Variants in FAT3 observed in about 807,000 individuals in gnomAD.
FAT3 encodes the protein FAT atypical cadherin 3, also known as protocadherin Fat 3.
A neutral mutation model predicts 310.2 loss-of-function variants in FAT3; 95 were observed. The ratio of observed to expected loss-of-function variants is 0.31; its 90% confidence interval spans 0.26 to 0.36. The LOEUF (loss-of-function observed/expected upper bound fraction) is 0.36. FAT3 is among the 10% of genes least tolerant of loss of function. The pLI is 1.00. For missense variants in FAT3, 5,408 were observed against 5,715.6 expected, an observed-to-expected ratio of 0.95 and a Z score of 1.74; for synonymous variants, 2,314 against 2,192.9, an observed-to-expected ratio of 1.06 and a Z score of -1.54.
intron 3 of FAT3, among the ~76,000 whole-genome samples, chr11:92,539,728 C>G (rs183227350): frequency 6.6e-6 from 1 of 152,128 alleles, no homozygotes; most frequent in Non-Finnish European, 1.5e-5. Context: ...TATCTGTGCC[C>G]AGGGTTATTC....
At position 92,890,914 on chromosome 11, in the gene FAT3, G is replaced by T. The variant is rs547247803; in HGVS notation, c.13571G>T (p.Gly4524Val). The change falls in exon 28 of 28, where the codon GGC becomes GTC. Residue 4524 changes from glycine to valine, a missense_variant. This residue lies in a region of FAT3 where 649 missense variants were observed against 666.2 expected (regional missense o/e 0.97). Transcript: ENST00000525166. The stretch of plus-strand genomic sequence containing the variant: ...ACTTTTGCTGTGAGCATGAACCAGG[G>T]CACAGAGCCCACAGGCCCAGCAGAC... ...FSTFAVSMNQ[G>V]TEPTGPADSV... is the part of the protein sequence containing the mutation. 1 of 1,614,000 alleles carries T rather than the reference G, an allele frequency of 6.2e-7. No homozygotes were observed. Among genetic ancestry groups the T allele is most frequent in the Non-Finnish European group, 8.5e-7 (1 of 1,179,886 alleles).
chr11:92,790,147 A>G lies in FAT3; in HGVS notation c.4540A>G (p.Ser1514Gly). 6.2e-7 allele frequency: 1 copy of G among 1,613,792 alleles called. No homozygotes were observed. The change falls in exon 8 of 28, where the codon AGC (serine) becomes GGC (glycine). Residue 1514 changes from serine to glycine, a missense_variant. By Grantham distance (56) the Ser-to-Gly change is moderately conservative. Transcript: ENST00000525166. ...CATGAGAAAATTCCGGATTGACCCT[A>G]GCACTGGCGTGCTCTATACTGCCGA... ...ISMRKFRIDP[S>G]TGVLYTAERL...
intron 3 of FAT3, among the ~76,000 whole-genome samples, chr11:92,584,440 C>T (rs1282642324): frequency 6.6e-6 from 1 of 151,896 alleles, no homozygotes; most frequent in East Asian, 1.9e-4. Flanking sequence ...GCTAATTCTG[C>T]TCCTGAAAGG....
Position 92,800,752 on chromosome 11 carries a change from G to A in FAT3, c.7739G>A (p.Arg2580Lys). The change falls in exon 10 of 28, where the codon AGA becomes AAA. Residue 2580 changes from arginine to lysine, a missense_variant. Transcript: ENST00000525166. Reference protein sequence around the residue: ...IFVRALDGGGRTTFCTVRVIV... With the variant: ...IFVRALDGGGKTTFCTVRVIV... ...GTGAGGGCCCTTGATGGTGGAGGGA[G>A]AACAACTTTCTGCACTGTGAGAGTG... 6.2e-7 allele frequency: 1 copy of A among 1,613,924 alleles called. No homozygotes were observed. The highest frequency in any genetic ancestry group is 8.5e-7 in the Non-Finnish European group (1 of 1,179,864).
chr11:92,370,485 G>A (rs2068282714), intron 2 of FAT3, among the ~76,000 whole-genome samples: 2 of 152,188 alleles, frequency 1.3e-5, no homozygotes, highest in African/African-American at 4.8e-5. Flanking sequence ...CCGATACTGG[G>A]TAGAGTTAGG....
At chr11:92,535,634 G>C (rs916756268) in intron 3 of FAT3, among the ~76,000 whole-genome samples, 1 of 152,166 alleles carries the variant, frequency 6.6e-6, no homozygotes, top group African/African-American at 2.4e-5. Flanking sequence ...GTTTTAGCTA[G>C]ATAGTTTTTT....
chr11:92,439,600 T>C (rs1393227548), intron 2 of FAT3, among the ~76,000 whole-genome samples: 1 of 152,032 alleles, frequency 6.6e-6, no homozygotes, highest in Non-Finnish European at 1.5e-5. Context: ...AATATATTAA[T>C]ACATGTCACT....
At chr11:92,734,736 T>TG (rs2136008782) in intron 4 of FAT3, among the ~76,000 whole-genome samples, 1 of 152,230 alleles carries the variant, frequency 6.6e-6, no homozygotes, top group East Asian at 1.9e-4. Flanking sequence ...GAACAAGGTG[T>TG]GTGTAACAAA....
At position 92,510,990 on chromosome 11, in the gene FAT3, G is replaced by T. The variant is rs141545700; in HGVS notation, c.3293-13644G>T. 1.7e-3 allele frequency among the ~76,000 whole-genome samples: 256 copies of T among 152,356 alleles called. 1 individual carries two copies. Among genetic ancestry groups the T allele is most frequent in the African/African-American group, 5.9e-3 (246 of 41,596 alleles). The stretch of plus-strand genomic sequence containing the variant: ...AAATCTGTGGATGAGAGCCCATCTA[G>T]AGCGCCTTGCTGGCGCTTTATCTGG... On this transcript the variant is annotated intron_variant, in intron 2 of 27. Transcript: ENST00000525166.
intron 3 of FAT3, among the ~76,000 whole-genome samples, chr11:92,629,324 G>A (rs1408782091): frequency 6.6e-6 from 1 of 151,866 alleles, no homozygotes. Context: ...ATTTTATCAA[G>A]CTCTTTCTAT....
chr11:92,558,167 GT>G (rs1955087907), intron 3 of FAT3, among the ~76,000 whole-genome samples: 1 of 152,178 alleles, frequency 6.6e-6, no homozygotes. Flanking sequence ...GGTACTTTCT[GT>G]CCTCACAGAG....
rs148934710 is a variant in FAT3 at position 92,654,684 on chromosome 11, A to C, written c.3608-42700A>C. ...ACCACCACTACTATATTTACTGCTG[A>C]AACCCTGGCACAACTATCATCTTCT... On this transcript the variant is annotated intron_variant, in intron 3 of 27. Coordinates refer to ENST00000525166, the MANE Select transcript of FAT3 (RefSeq NM_001367949.2). Among the ~76,000 whole-genome samples, 163 of 152,322 alleles carry C rather than the reference A, an allele frequency of 1.1e-3. 1 individual carries two copies. Among genetic ancestry groups the C allele is most frequent in the African/African-American group, 3.8e-3 (159 of 41,576 alleles).
intron 2 of FAT3, among the ~76,000 whole-genome samples, chr11:92,429,410 G>C (rs1950713519): frequency 6.6e-6 from 1 of 152,140 alleles, no homozygotes; most frequent in South Asian, 2.1e-4. Context: ...GTGTGAATTT[G>C]ATCCTGTCAT....
intron 3 of FAT3, among the ~76,000 whole-genome samples, chr11:92,533,043 G>C (rs1954133181): frequency 6.6e-6 from 1 of 152,066 alleles, no homozygotes; most frequent in Non-Finnish European, 1.5e-5. Context: ...CTATCTGTTT[G>C]TTTTTTAAGA....
chr11:92,683,184 G>T (rs533334739), intron 3 of FAT3, among the ~76,000 whole-genome samples: 2 of 151,972 alleles, frequency 1.3e-5, no homozygotes, highest in East Asian at 1.9e-4. Context: ...TTATTCTGAG[G>T]ATGACAGGAA....
chr11:92,401,405 A>G (rs978455919), intron 2 of FAT3, among the ~76,000 whole-genome samples: 1 of 152,180 alleles, frequency 6.6e-6, no homozygotes, highest in Non-Finnish European at 1.5e-5. Context: ...CTAGGAGGAA[A>G]GACTTCCCCA....
chr11:92,314,202 C>A, intron 1 of FAT3: 1 of 571,238 alleles, frequency 1.8e-6, no homozygotes, highest in Non-Finnish European at 2.2e-6. Flanking sequence ...TGGTCCAATC[C>A]TAGGAATGAA....
chr11:92,860,225 A>C (rs1031204034), intron 21 of FAT3, among the ~76,000 whole-genome samples: 1 of 152,220 alleles, frequency 6.6e-6, no homozygotes, highest in African/African-American at 2.4e-5. Context: ...TAATATGATA[A>C]GTTTGTTTCA....
intron 7 of FAT3, among the ~76,000 whole-genome samples, chr11:92,785,538 A>G (rs1946867842): frequency 1.3e-5 from 2 of 152,186 alleles, no homozygotes; most frequent in Admixed American, 6.5e-5. Flanking sequence ...TAAAAATTTA[A>G]TATACAAAAA....
Sources: allele counts gnomAD v4.1 joint callset (sites outside exome capture counted in the v4.1 genomes callset), GRCh38; gene constraint gnomAD v4.1.1; regional missense constraint gnomAD v4.1.1; transcripts MANE v1.5; gene names NCBI Gene and HGNC (gene_info 2026-07-23, HGNC 2026-07-21).